The following CACNA1B variants were observed in gnomAD, a reference collection of about 807,000 sequenced individuals.
CACNA1B encodes voltage-dependent N-type calcium channel subunit alpha-1B.
In CACNA1B, 70 loss-of-function variants were observed where a neutral mutation model predicts 247.2. That is an observed-to-expected ratio of 0.28 (90% CI 0.23 to 0.35). The LOEUF (loss-of-function observed/expected upper bound fraction) is 0.35, where lower values mean the gene tolerates loss of function less well. Among genes scored for constraint, CACNA1B ranks in the 10% least tolerant of loss-of-function variants. The pLI is 1.00. For missense variants in CACNA1B, 2,367 were observed against 3,197.4 expected (o/e 0.74, Z 6.26); for synonymous variants, 1,231 against 1,294.4 (o/e 0.95, Z 1.05).
In CACNA1B at chr9:138,000,311, G is replaced by A. The variant is rs149528972; in HGVS notation, c.1975-6456G>A. ...GACAGGGTTTCACCGTGTTAGCCAG[G>A]ATGGTCTCGATCTCCTGACCTCGTG... On this transcript the variant is annotated intron_variant, in intron 15 of 46. Transcript: ENST00000371372. Among the ~76,000 whole-genome samples, 855 of 152,134 alleles carry A rather than the reference G, an allele frequency of 5.6e-3. 7 individuals are homozygous for A. Among genetic ancestry groups the A allele is most frequent in the Admixed American group, 0.026 (393 of 15,298 alleles).
At chr9:138,081,365 G>A (rs1374532672) in intron 36 of CACNA1B, among the ~76,000 whole-genome samples, 1 of 152,204 alleles carries the variant, frequency 6.6e-6, no homozygotes, top group Non-Finnish European at 1.5e-5. Context: ...TAACCCTGGT[G>A]TCTCCTTACT....
chr9:137,960,680 G>T (rs1050004354), intron 10 of CACNA1B, among the ~76,000 whole-genome samples: 70 of 152,134 alleles, frequency 4.6e-4, no homozygotes, highest in African/African-American at 1.6e-3. Flanking sequence ...CGCGGCTGGA[G>T]TGAGGTGCCA....
rs185810962 is a variant in CACNA1B, at chr9:137,956,395, C to T, written c.1187-376C>T. On this transcript the variant is annotated intron_variant, in intron 8 of 46. Transcript: ENST00000371372. Reference sequence around the variant, plus strand: ...TAAGGCAGCCAGGTGCAGTGGCTCACGCCTACAGTCCCAGCACTTTGGGAG... The same window carrying T: ...TAAGGCAGCCAGGTGCAGTGGCTCATGCCTACAGTCCCAGCACTTTGGGAG... Among the ~76,000 whole-genome samples the T allele has an allele frequency of 2.7e-3, 412 of 152,278 alleles. 1 individual carries two copies. Among genetic ancestry groups the T allele is most frequent in the African/African-American group, 9.6e-3 (399 of 41,564 alleles).
chr9:137,979,046 C>G (rs2133375013), intron 12 of CACNA1B, among the ~76,000 whole-genome samples: 1 of 152,354 alleles, frequency 6.6e-6, no homozygotes, highest in South Asian at 2.1e-4. Flanking sequence ...GTCAGAGATG[C>G]AGGGATCTTT....
At chr9:137,893,232 T>C (rs75484563) in intron 3 of CACNA1B, among the ~76,000 whole-genome samples, 2 of 72,626 alleles carry the variant, frequency 2.8e-5, no homozygotes, top group East Asian at 6.1e-4. Context: ...AAGCTGGCCC[T>C]TTTTTTTTTT....
At position 138,010,006 on chromosome 9, in the gene CACNA1B, C is replaced by A. The variant is rs76062311; in HGVS notation, c.2093-4C>A. 11,834 of 1,612,570 alleles carry A rather than the reference C, an allele frequency of 7.3e-3. 69 individuals are homozygous for A. Among genetic ancestry groups the A allele is most frequent in the Non-Finnish European group, 8.6e-3 (10,101 of 1,178,712 alleles). Reference sequence around the variant, plus strand: ...GGTTCCCTTCCTCAGCTGGACCCAACCAGACACTCTGCTGAATGTCTTTCT... The same window carrying A: ...GGTTCCCTTCCTCAGCTGGACCCAAACAGACACTCTGCTGAATGTCTTTCT... On this transcript the variant is annotated splice_polypyrimidine_tract_variant and splice_region_variant and intron_variant, in intron 16 of 46. Coordinates refer to ENST00000371372, the MANE Select transcript of CACNA1B (RefSeq NM_000718.4). The surrounding 1 kb of genome is among the most constrained non-coding windows in gnomAD (Gnocchi z 5.3).
At position 137,952,491 on chromosome 9, in the gene CACNA1B, G is replaced by A; in HGVS notation, c.1070+114G>A. 1 of 835,750 alleles carries A rather than the reference G, an allele frequency of 1.2e-6. No individual in the cohort carries two copies. The highest frequency in any genetic ancestry group is 2.0e-5 in the Admixed American group (1 of 50,162). The allele number at this position is 835,750 out of a possible 1,614,324, so 51.8% of individuals were successfully genotyped here. A position where few individuals can be genotyped will look rare whatever the true frequency, so the allele number is the denominator to read the frequency against. On this transcript the variant is annotated intron_variant, in intron 7 of 46. Transcript: ENST00000371372. This position sits in a 1 kb window ranked among gnomAD's most constrained non-coding sequence, Gnocchi z 4.8. Reference sequence around the variant, plus strand: ...GCCTGGCCCATGGGTGCCCTCTGTGGTGGTTGCCCCTGGTGTTCTGGGTTC... The same window carrying A: ...GCCTGGCCCATGGGTGCCCTCTGTGATGGTTGCCCCTGGTGTTCTGGGTTC...
intron 3 of CACNA1B, among the ~76,000 whole-genome samples, chr9:137,900,788 T>C (rs1272023234): frequency 6.7e-6 from 1 of 148,940 alleles, no homozygotes; most frequent in Non-Finnish European, 1.5e-5. Context: ...TGTGTCCTTG[T>C]GTCTGTGTGT....
chr9:138,089,568 G>A (rs141555228), intron 36 of CACNA1B, among the ~76,000 whole-genome samples: 16 of 152,034 alleles, frequency 1.1e-4, no homozygotes, highest in Non-Finnish European at 4.4e-5. Flanking sequence ...CATACTGAAT[G>A]GGGAAAAGAT....
intron 3 of CACNA1B, among the ~76,000 whole-genome samples, chr9:137,893,609 C>T (rs1317339663): frequency 1.3e-5 from 2 of 151,076 alleles, no homozygotes; most frequent in African/African-American, 4.9e-5. Context: ...TGAGATCGCG[C>T]CATTGCACTC....
chr9:137,993,339 C>CTAGATTAAGTTTTTGTCTAGA (rs1958456083), intron 15 of CACNA1B, among the ~76,000 whole-genome samples: 3 of 82,308 alleles, frequency 3.6e-5, no homozygotes, highest in African/African-American at 3.3e-4. Context: ...TTTTGTCTAT[C>CTAGATTAAGTTTTTGTCTAGA]TAGATTAAAT....
intron 39 of CACNA1B, among the ~76,000 whole-genome samples, chr9:138,108,931 C>T (rs941556401): frequency 2.6e-5 from 4 of 152,202 alleles, no homozygotes; most frequent in African/African-American, 7.2e-5. Flanking sequence ...GGATTACAGG[C>T]GTGAGCCACT....
At chr9:137,897,743 G>A (rs867689613) in intron 3 of CACNA1B, among the ~76,000 whole-genome samples, 18 of 150,678 alleles carry the variant, frequency 1.2e-4, no homozygotes, top group African/African-American at 1.7e-4. Context: ...TTTTTGCAGC[G>A]ATCTCAGCTC....
rs199688654 is a variant in CACNA1B at position 138,121,558 on chromosome 9, G to A, written c.6579G>A (p.Thr2193=). The change falls in exon 47 of 47, where the codon ACG becomes ACA. Residue 2193 remains threonine, a synonymous_variant. Transcript: ENST00000371372. The surrounding 1 kb of genome is among the most constrained non-coding windows in gnomAD (Gnocchi z 6.8). ...GRGGRRQLPQ[T]PLTPRPSITY... Reference sequence around the variant, plus strand: ...GTGGGCGGAGGCAGCTCCCCCAGACGCCCCTGACTCCCCGCCCCAGCATCA... The same window carrying A: ...GTGGGCGGAGGCAGCTCCCCCAGACACCCCTGACTCCCCGCCCCAGCATCA... The A allele has an allele frequency of 2.9e-5, 46 of 1,603,106 alleles. No individual in the cohort carries two copies. The highest frequency in any genetic ancestry group is 3.3e-5 in the South Asian group (3 of 90,104).
At chr9:138,091,801 G>C (rs1241033121) in intron 36 of CACNA1B, among the ~76,000 whole-genome samples, 1 of 152,178 alleles carries the variant, frequency 6.6e-6, no homozygotes, top group African/African-American at 2.4e-5. Context: ...TAGCTCCTAT[G>C]GGGGGAACCA....
chr9:138,111,496 G>A (rs778604144), intron 39 of CACNA1B, among the ~76,000 whole-genome samples: 1 of 151,994 alleles, frequency 6.6e-6, no homozygotes, highest in Non-Finnish European at 1.5e-5. Flanking sequence ...CCAGTAGGAC[G>A]AGGGGTCGAC....
At chr9:137,929,511 C>T (rs190083219) in intron 6 of CACNA1B, among the ~76,000 whole-genome samples, 31 of 152,178 alleles carry the variant, frequency 2.0e-4, no homozygotes, top group Admixed American at 2.0e-4. Context: ...GCCAGGATAG[C>T]GCCACTGCAC....
At chr9:138,081,780 A>G (rs184227863) in intron 36 of CACNA1B, among the ~76,000 whole-genome samples, 8 of 151,296 alleles carry the variant, frequency 5.3e-5, no homozygotes, top group Admixed American at 3.9e-4. Flanking sequence ...AAATGGACAA[A>G]TTCCTAGAAA....
intron 8 of CACNA1B, among the ~76,000 whole-genome samples, chr9:137,956,274 C>T (rs139947705): frequency 6.6e-6 from 1 of 152,302 alleles, no homozygotes; most frequent in East Asian, 1.9e-4. Flanking sequence ...GACGGGCAGA[C>T]ACAAGGCGGC....
Sources: gnomAD v4.1 joint callset for allele counts (sites outside exome capture counted in the v4.1 genomes callset) on GRCh38, gnomAD v4.1.1 for gene constraint, Gnocchi (gnomAD v3.1) non-coding constraint, MANE v1.5 for transcripts, NCBI Gene and HGNC (gene_info 2026-07-23, HGNC 2026-07-21) for gene names.